Variants in ELP1 observed in about 807,000 individuals in gnomAD.
The protein encoded by ELP1 is elongator complex protein 1.
ELP1 carries 131 observed loss-of-function variants against 183.2 expected under a neutral mutation model. The ratio of observed to expected loss-of-function variants is 0.72; its 90% confidence interval spans 0.62 to 0.83. The LOEUF is 0.83. ELP1 is among the 40% of genes least tolerant of loss of function. The pLI is 0.00. For missense variants in ELP1, 1,550 were observed against 1,594.9 expected, an observed-to-expected ratio of 0.97 and a Z score of 0.48; for synonymous variants, 555 against 569.0, an observed-to-expected ratio of 0.98 and a Z score of 0.35.
chr9:108,891,900 T>C (rs3780511), intron 27 of ELP1, among the ~76,000 whole-genome samples: 30,581 of 151,942 alleles, frequency 0.2, 3,374 homozygotes, highest in African/African-American at 0.28. Context: ...GAAGGCACCA[T>C]GGCCATGCAG....
chr9:108,900,340 G>A lies in ELP1; in HGVS notation c.2050C>T (p.His684Tyr). Residue 684 changes from histidine (H) to tyrosine (Y), a missense_variant, in exon 19 of 37, where the codon CAT (histidine) becomes TAT (tyrosine). By Grantham distance (83) the His-to-Tyr change is moderately conservative. Transcript: ENST00000374647. ...TCCACTTTCCGCAGAACTTCCCCAT[G>A]GGACACATGATTGCTGCTCAGGCCG... ...QAGLSSNHVS[H>Y]GEVLRKVERG... 1 of 1,614,128 alleles carries A rather than the reference G, an allele frequency of 6.2e-7. No homozygotes were observed. The highest frequency in any genetic ancestry group is 8.5e-7 in the Non-Finnish European group (1 of 1,179,992).
In ELP1 at chr9:108,919,348, T is replaced by C. The variant is rs1325046180; in HGVS notation, c.554A>G (p.His185Arg). Residue 185 changes from histidine to arginine, a missense_variant and splice_region_variant, in exon 7 of 37, where the codon CAT becomes CGT. Transcript: ENST00000374647. ...GTCATCCCAGGGCAAAGCAGACTCATGCTAAAAAGGGGAACAAACACCAAT... is the reference window on the plus strand; with the variant it reads ...GTCATCCCAGGGCAAAGCAGACTCACGCTAAAAAGGGGAACAAACACCAAT... ...GRQAAFQMQM[H>R]ESALPWDDHR... The C allele has an allele frequency of 6.2e-7, 1 of 1,609,966 alleles. No individual in the cohort carries two copies. The highest frequency in any genetic ancestry group is 1.1e-5 in the South Asian group (1 of 90,978).
Position 108,878,723 on chromosome 9 carries a change from C to T in ELP1, c.3600G>A (p.Ala1200=), listed in dbSNP as rs769196025. The part of the protein sequence containing the change: ...SARSSKNRRK[A]ERKKHSLKEG... ...CTTTGAGGCTGTGCTTCTTCCGCTC[C>T]GCTTTTCGGCGATTCTTGGATGATC... Residue 1200 remains alanine, a synonymous_variant, in exon 34 of 37, where the codon GCG becomes GCA. Transcript: ENST00000374647. 53 of 1,614,062 alleles carry T rather than the reference C, an allele frequency of 3.3e-5. No homozygotes were observed. The highest frequency in any genetic ancestry group is 2.1e-4 in the South Asian group (19 of 91,092).
intron 27 of ELP1, among the ~76,000 whole-genome samples, chr9:108,891,634 G>T (rs1828340169): frequency 6.6e-6 from 1 of 152,048 alleles, no homozygotes; most frequent in Admixed American, 6.5e-5. Context: ...GCACCATTCT[G>T]GGCAGTATGG....
At chr9:108,909,657 C>G (rs1829140442) in intron 12 of ELP1, among the ~76,000 whole-genome samples, 1 of 152,202 alleles carries the variant, frequency 6.6e-6, no homozygotes, top group African/African-American at 2.4e-5. Flanking sequence ...TCTATGAACA[C>G]TGCTCTGGCT....
intron 10 of ELP1, among the ~76,000 whole-genome samples, 172 bp downstream of exon 10, chr9:108,916,032 T>G (rs541829843): frequency 6.6e-6 from 1 of 152,186 alleles, no homozygotes; most frequent in East Asian, 1.9e-4. Flanking sequence ...AACCAATACA[T>G]GACTGAAATC....
rs186957933 is a variant in ELP1, at chr9:108,917,439, C to T, written c.864+108G>A. ...CCGAGATTGCACTATCGCACTCCAA[C>T]CTGGGCAACAAGAATGAAACTCCAT... On this transcript the variant is annotated intron_variant, in intron 9 of 36. Coordinates refer to ENST00000374647, the MANE Select transcript of ELP1 (RefSeq NM_003640.5). The T allele has an allele frequency of 6.1e-4, 725 of 1,182,266 alleles. 3 individuals are homozygous for T. Among genetic ancestry groups the T allele is most frequent in the Non-Finnish European group, 5.5e-5 (45 of 813,512 alleles). 73.2% of individuals were successfully genotyped at this position (1,182,266 alleles called of 1,614,324 possible).
intron 12 of ELP1, among the ~76,000 whole-genome samples, 171 bp downstream of exon 12, chr9:108,910,839 A>C (rs1253320178): frequency 1.3e-5 from 2 of 151,736 alleles, no homozygotes; most frequent in Admixed American, 6.6e-5. Context: ...TTAAAAAAAA[A>C]AAAAACAAAA....
chr9:108,903,685 AGAAG>A lies in ELP1; in HGVS notation c.1644-20_1644-17del. ...TGCAGATGAACTGACAAAAAAAAGG[AGAAG>A]GGAGTGTAAACAGACCATTTTTCTC... On this transcript the variant is annotated splice_polypyrimidine_tract_variant and intron_variant, in intron 14 of 36. Transcript: ENST00000374647. 2 of 1,578,442 alleles carry A rather than the reference AGAAG, an allele frequency of 1.3e-6. No individual in the cohort carries two copies. Among genetic ancestry groups the A allele is most frequent in the South Asian group, 2.2e-5 (2 of 90,408 alleles).
At position 108,896,961 on chromosome 9, in the gene ELP1, T is replaced by G. The variant is rs199796698; in HGVS notation, c.2579A>C (p.Glu860Ala). The change falls in exon 24 of 37, where the codon GAG becomes GCG. Residue 860 changes from glutamate (E) to alanine (A), a missense_variant. Glu to Ala is a moderately radical substitution (Grantham distance 107). Transcript: ENST00000374647. ...ELEIVLQKVH[E>A]LQGNAPSDPD... ...TGTGAGCGGATCTCTACCTTGAAGCTCGTGTACTTTTTGCAGTACAATTTC... is the reference window on the plus strand; with the variant it reads ...TGTGAGCGGATCTCTACCTTGAAGCGCGTGTACTTTTTGCAGTACAATTTC... 6.2e-7 allele frequency: 1 copy of G among 1,613,628 alleles called. No homozygotes were observed. Among genetic ancestry groups the G allele is most frequent in the African/African-American group, 1.3e-5 (1 of 74,900 alleles).
At position 108,908,418 on chromosome 9, in the gene ELP1, A is replaced by C; in HGVS notation, c.1361-14T>G. The C allele has an allele frequency of 6.3e-7, 1 of 1,587,660 alleles. No individual in the cohort carries two copies. Among genetic ancestry groups the C allele is most frequent in the East Asian group, 2.2e-5 (1 of 44,760 alleles). On this transcript the variant is annotated splice_polypyrimidine_tract_variant and intron_variant, in intron 12 of 36. Coordinates refer to ENST00000374647, the MANE Select transcript of ELP1 (RefSeq NM_003640.5). ...TTGGACAATCACCTGGAAAACAAAA[A>C]TGCAAATATTATCATCGTAAATTAT...
chr9:108,916,082 C>T, intron 10 of ELP1, 122 bp downstream of exon 10: 1 of 805,834 alleles, frequency 1.2e-6, no homozygotes, highest in Non-Finnish European at 2.2e-6. Context: ...TTTCCACCTA[C>T]CCACTTCAGC....
rs766875245 is a variant in ELP1, at chr9:108,880,152, A to G, written c.3360T>C (p.Tyr1120=). The G allele has an allele frequency of 3.1e-5, 50 of 1,612,860 alleles. No homozygotes were observed. The Admixed American group carries it at 4.0e-4, about 13-fold the overall frequency. The change falls in exon 32 of 37, where the codon TAT becomes TAC. Residue 1120 remains tyrosine, a synonymous_variant. Transcript: ENST00000374647. The part of the protein sequence containing the change: ...KPSILEAQKN[Y]MAFLDSQTAT... ...CTGTCTGAGAGTCCAGAAATGCCATATAATTTTTCTGGGCTGGAGATGCAG... is the reference window on the plus strand; with the variant it reads ...CTGTCTGAGAGTCCAGAAATGCCATGTAATTTTTCTGGGCTGGAGATGCAG...
chr9:108,927,515 C>T, intron 3 of ELP1, 62 bp from the exon 4 acceptor site: 3 of 1,229,560 alleles, frequency 2.4e-6, no homozygotes, highest in Non-Finnish European at 3.6e-6. Context: ...AAACTGACTG[C>T]AACTTCAATC....
At position 108,917,286 on chromosome 9, in the gene ELP1, G is replaced by A. The variant is rs142198403; in HGVS notation, c.864+261C>T. On this transcript the variant is annotated intron_variant, in intron 9 of 36. Transcript: ENST00000374647. ...GGTTTGAGACCAGCCTGACCAACAC[G>A]GAGAAACCCCGTCTCTACTAAAAAT... Among the ~76,000 whole-genome samples, 419 of 152,192 alleles carry A rather than the reference G, an allele frequency of 2.8e-3. 4 individuals are homozygous for A. The highest frequency in any genetic ancestry group is 9.3e-3 in the African/African-American group (387 of 41,534).
chr9:108,901,062 A>T (rs771005169), intron 18 of ELP1, among the ~76,000 whole-genome samples: 1 of 152,192 alleles, frequency 6.6e-6, no homozygotes, highest in Non-Finnish European at 1.5e-5. Flanking sequence ...GCGCAGATGT[A>T]CAGTGGAGGG....
chr9:108,928,611 T>G (rs757764635), intron 3 of ELP1, among the ~76,000 whole-genome samples: 1 of 152,100 alleles, frequency 6.6e-6, no homozygotes, highest in South Asian at 2.1e-4. Flanking sequence ...GGGGAACAGA[T>G]AGTGAAAGGG....
At chr9:108,913,053 C>CGT (rs1829293133) in intron 10 of ELP1, among the ~76,000 whole-genome samples, 3 of 151,600 alleles carry the variant, frequency 2.0e-5, no homozygotes, top group Admixed American at 6.6e-5. Context: ...AGCCACCGTG[C>CGT]CTGGCCCACA....
At chr9:108,911,755 A>C (rs1011372317) in intron 11 of ELP1, among the ~76,000 whole-genome samples, 12 of 150,994 alleles carry the variant, frequency 7.9e-5, no homozygotes, top group African/African-American at 2.9e-4. Context: ...TTCCCACCCC[A>C]CCCCCTAAAA....
Sources: allele counts gnomAD v4.1 joint callset (sites outside exome capture counted in the v4.1 genomes callset), GRCh38; gene constraint gnomAD v4.1.1; transcripts MANE v1.5; gene names NCBI Gene and HGNC (gene_info 2026-07-23, HGNC 2026-07-21).